Variants in GPR19 observed in about 807,000 individuals in gnomAD.
GPR19 encodes the protein G protein-coupled receptor 19, also known as probable G protein-coupled receptor 19.
In GPR19, 14 loss-of-function variants were observed where a neutral mutation model predicts 28.5. The ratio of observed to expected loss-of-function variants is 0.49; its 90% CI spans 0.32 to 0.77. The LOEUF is 0.77. Ranked by LOEUF, GPR19 falls within the 30% of genes least tolerant of loss-of-function variation. GPR19 has a pLI of 0.03. For missense variants in GPR19, 409 were observed against 504.1 expected, an observed-to-expected ratio of 0.81 and a Z score of 1.81; for synonymous variants, 173 against 184.1, an observed-to-expected ratio of 0.94 and a Z score of 0.49.
chr12:12,703,703 T>C, the GPR19 span, among the ~76,000 whole-genome samples: 37 of 152,274 alleles, frequency 2.4e-4, no homozygotes, highest in Non-Finnish European at 5.0e-4. Flanking sequence ...TCATAAACCA[T>C]AGTGCTGAGT....
intron 3 of GPR19, among the ~76,000 whole-genome samples, chr12:12,682,827 A>G (rs543555419): frequency 6.6e-6 from 1 of 152,220 alleles, no homozygotes; most frequent in East Asian, 1.9e-4. Flanking sequence ...GGAAATCTTT[A>G]TACCTCAGAA....
intron 2 of GPR19, among the ~76,000 whole-genome samples, chr12:12,689,400 A>C (rs1177644452): frequency 2.6e-5 from 4 of 152,134 alleles, no homozygotes; most frequent in Admixed American, 2.6e-4. Flanking sequence ...CCTCTCTCTC[A>C]TCAGTGCCAC....
chr12:12,696,368 T>C (rs9705760), upstream of GPR19, among the ~76,000 whole-genome samples: 3,452 of 96,386 alleles, frequency 0.036, 436 homozygotes, highest in African/African-American at 0.11. Flanking sequence ...TTTTTTTTTT[T>C]TTTTTTTGCT....
chr12:12,674,884 G>T (rs1009876648), intron 3 of GPR19, among the ~76,000 whole-genome samples: 1 of 152,182 alleles, frequency 6.6e-6, no homozygotes, highest in Non-Finnish European at 1.5e-5. Context: ...AAGAAGAAAT[G>T]AATGTATTAA....
chr12:12,665,277 A>G (rs1478170156), intron 3 of GPR19, among the ~76,000 whole-genome samples: 1 of 152,156 alleles, frequency 6.6e-6, no homozygotes, highest in Non-Finnish European at 1.5e-5. Flanking sequence ...AATGAAACTC[A>G]AGCTCACCGC....
intron 3 of GPR19, among the ~76,000 whole-genome samples, chr12:12,682,210 C>T (rs1320175223): frequency 6.6e-6 from 1 of 152,152 alleles, no homozygotes; most frequent in African/African-American, 2.4e-5. Context: ...GAACTTCATT[C>T]TAAATATAAA....
At chr12:12,686,770 G>C (rs1222237946) in intron 2 of GPR19, among the ~76,000 whole-genome samples, 3 of 152,182 alleles carry the variant, frequency 2.0e-5, no homozygotes, top group African/African-American at 7.2e-5. Flanking sequence ...TTAATGTGTT[G>C]TGACTTACTA....
At chr12:12,698,723 G>A (rs544247444), upstream of GPR19, among the ~76,000 whole-genome samples, 10 of 151,526 alleles carry the variant, frequency 6.6e-5, no homozygotes, top group Non-Finnish European at 1.0e-4. Flanking sequence ...CGATTCTCTT[G>A]CCTCAGCCTC....
intron 3 of GPR19, among the ~76,000 whole-genome samples, chr12:12,682,840 T>C (rs1486816401): frequency 6.6e-6 from 1 of 152,178 alleles, no homozygotes; most frequent in Non-Finnish European, 1.5e-5. Context: ...CCTCAGAAAT[T>C]TCTAGCAGTT....
At chr12:12,665,941 CTAAG>C (rs1424495172) in intron 3 of GPR19, among the ~76,000 whole-genome samples, 55 of 150,868 alleles carry the variant, frequency 3.6e-4, no homozygotes, top group Non-Finnish European at 2.9e-5. Flanking sequence ...GTACAAGGAG[CTAAG>C]TAAGACAAAA....
At chr12:12,700,602 G>T (rs553123812), upstream of GPR19, among the ~76,000 whole-genome samples, 2 of 152,034 alleles carry the variant, frequency 1.3e-5, no homozygotes, top group African/African-American at 4.8e-5. Flanking sequence ...TTGCAACTTT[G>T]TTAGTTGAGG....
intron 2 of GPR19, among the ~76,000 whole-genome samples, chr12:12,686,494 A>G (rs190244191): frequency 8.0e-4 from 122 of 152,374 alleles, no homozygotes; most frequent in African/African-American, 2.8e-3. Context: ...AATTACAACA[A>G]TAAGAACAAC....
At chr12:12,712,756 G>A in the GPR19 span, among the ~76,000 whole-genome samples, 268 of 151,692 alleles carry the variant, frequency 1.8e-3, no homozygotes, top group African/African-American at 5.8e-3. Context: ...CTGCAGCCTC[G>A]ACCTGGGCTC....
upstream of GPR19, chr12:12,696,335 C>G (rs1056078075): frequency 5.1e-5 from 7 of 137,288 alleles, no homozygotes; most frequent in Non-Finnish European, 1.1e-4. Context: ...AGATCCCACC[C>G]GCCCTTTTTT....
intron 3 of GPR19, among the ~76,000 whole-genome samples, chr12:12,675,359 A>G (rs1368853310): frequency 2.6e-5 from 4 of 152,304 alleles, no homozygotes; most frequent in Non-Finnish European, 2.9e-5. Context: ...TGATGTTCCC[A>G]TCAGCCTGGT....
At chr12:12,711,011 C>T in the GPR19 span, among the ~76,000 whole-genome samples, 1 of 152,094 alleles carries the variant, frequency 6.6e-6, no homozygotes, top group African/African-American at 2.4e-5. Context: ...CTGTAAAATG[C>T]TATAAAAAGT....
At chr12:12,679,659 A>G (rs1945989426) in intron 3 of GPR19, among the ~76,000 whole-genome samples, 1 of 150,626 alleles carries the variant, frequency 6.6e-6, no homozygotes, top group South Asian at 2.1e-4. Context: ...GTCTCTGGAA[A>G]AAAAAAAAAA....
At chr12:12,680,293 A>G (rs536055503) in intron 3 of GPR19, among the ~76,000 whole-genome samples, 2 of 152,334 alleles carry the variant, frequency 1.3e-5, no homozygotes, top group African/African-American at 4.8e-5. Flanking sequence ...TAGGTAAGTT[A>G]ATCTCTTTGA....
At chr12:12,694,814 C>T (rs1228566316) in intron 2 of GPR19, among the ~76,000 whole-genome samples, 6 of 152,206 alleles carry the variant, frequency 3.9e-5, no homozygotes, top group Admixed American at 6.5e-5. Flanking sequence ...GATGATCCCA[C>T]TCCCTAAAAC....
Sources: gnomAD v4.1 joint callset for allele counts (sites outside exome capture counted in the v4.1 genomes callset) on GRCh38, gnomAD v4.1.1 for gene constraint, MANE v1.5 for transcripts, NCBI Gene and HGNC (gene_info 2026-07-23, HGNC 2026-07-21) for gene names.